MUC5AC: variants seen among roughly 807,000 people sequenced by gnomAD.
The protein encoded by MUC5AC is mucin-5AC.
Under a neutral mutation model 169.7 loss-of-function variants are expected in MUC5AC, and 158 were observed. That is an observed-to-expected ratio of 0.93 (90% CI 0.82 to 1.06). MUC5AC has a LOEUF of 1.06. Ranked by LOEUF, MUC5AC falls within the 50% of genes least tolerant of loss-of-function variation. MUC5AC has a pLI of 0.00. For missense variants in MUC5AC, 4,359 were observed against 3,089.9 expected (o/e 1.41, Z -9.74); for synonymous variants, 1,975 against 1,237.0 (o/e 1.60, Z -12.52).
rs769551732 is a variant in MUC5AC at position 1,168,892 on chromosome 11, C to T, written c.1736C>T (p.Ala579Val). The change falls in exon 15 of 49, where the codon GCC becomes GTC. Residue 579 changes from alanine (A) to valine (V), a missense_variant. Ala to Val is a moderately conservative substitution (Grantham distance 64). Coordinates refer to ENST00000621226, the MANE Select transcript of MUC5AC (RefSeq NM_001304359.2). Reference protein sequence around the residue: ...GLCGNFNSIQADDFRTLSGVV... With the variant: ...GLCGNFNSIQVDDFRTLSGVV... ...TGTGGGAACTTCAACAGCATCCAGGCCGATGACTTCCGGACCCTCAGTGGG... is the reference window on the plus strand; with the variant it reads ...TGTGGGAACTTCAACAGCATCCAGGTCGATGACTTCCGGACCCTCAGTGGG... 6.2e-7 allele frequency: 1 copy of T among 1,606,386 alleles called. No homozygotes were observed. The highest frequency in any genetic ancestry group is 8.5e-7 in the Non-Finnish European group (1 of 1,176,242).
chr11:1,158,299 T>C (rs1860021570), intron 1 of MUC5AC, among the ~76,000 whole-genome samples: 1 of 152,192 alleles, frequency 6.6e-6, no homozygotes, highest in Non-Finnish European at 1.5e-5. Flanking sequence ...GGCCATTCCC[T>C]GAGGCAGGGA....
At chr11:1,197,704 G>A (rs796068269) in intron 41 of MUC5AC, 65 bp downstream of exon 41, 11 of 642,694 alleles carry the variant, frequency 1.7e-5, no homozygotes, top group South Asian at 6.8e-5. Flanking sequence ...CACTCGGCCC[G>A]GACTTTGCTG....
rs1324330496 is a variant in MUC5AC at position 1,200,717 on chromosome 11, C to T, written c.*15C>T. The T allele has an allele frequency of 4.2e-6, 3 of 711,332 alleles. No homozygotes were observed. Among genetic ancestry groups the T allele is most frequent in the East Asian group, 2.5e-5 (1 of 40,458 alleles). 44.1% of individuals were successfully genotyped at this position (711,332 alleles called of 1,614,324 possible). A position where few individuals can be genotyped will look rare whatever the true frequency, so the allele number is the denominator to read the frequency against. ...CCATGCACTGACCAGCACTGCCGCC[C>T]TCCTGACCTCCAAGGAGAACCTCCC... On this transcript the variant is annotated 3_prime_UTR_variant, in exon 49 of 49. Coordinates refer to ENST00000621226, the MANE Select transcript of MUC5AC (RefSeq NM_001304359.2).
At chr11:1,195,751 CACA>C in intron 36 of MUC5AC, 122 bp from the exon 37 acceptor site, 1 of 560,648 alleles carries the variant, frequency 1.8e-6, no homozygotes, top group Non-Finnish European at 3.3e-6. Flanking sequence ...GGAGGGCGGC[CACA>C]CACCAGTGGC....
chr11:1,189,714 T>C lies in MUC5AC; in HGVS notation c.11569T>C (p.Ser3857Pro). The stretch of plus-strand genomic sequence containing the variant: ...CTCCACTCCACAGACCAGCATATCC[T>C]CTGCCCCTACAAGCAGCACAACCTC... ...TTSTPQTSIS[S>P]APTSSTTSAP... is the part of the protein sequence containing the mutation. The change falls in exon 31 of 49, where the codon TCT becomes CCT. Residue 3857 changes from serine (S) to proline (P), a missense_variant. Transcript: ENST00000621226. 1 of 640,518 alleles carries C rather than the reference T, an allele frequency of 1.6e-6. No individual in the cohort carries two copies. Among genetic ancestry groups the C allele is most frequent in the South Asian group, 1.8e-5 (1 of 56,672 alleles). The allele number at this position is 640,518 out of a possible 1,614,324, so 39.7% of individuals were successfully genotyped here. A position where few individuals can be genotyped will look rare whatever the true frequency, so the allele number is the denominator to read the frequency against.
At chr11:1,199,816 A>G (rs1188524663) in intron 47 of MUC5AC, 39 bp from the exon 48 acceptor site, 1 of 742,164 alleles carries the variant, frequency 1.3e-6, no homozygotes, top group Non-Finnish European at 2.5e-6. Flanking sequence ...GAGGTCTAGG[A>G]GCAGCTGGGC....
chr11:1,194,628 G>T lies in MUC5AC; in HGVS notation c.15148G>T (p.Val5050Leu), dbSNP rs747222329. ...MFSGLIFSVE[V>L]PFSKFANNTE... The stretch of plus-strand genomic sequence containing the variant: ...CTCCGGCCTCATCTTCTCCGTGGAG[G>T]TGCCCTTCAGCAAGTTTGCCAACAA... Residue 5050 changes from valine to leucine, a missense_variant, in exon 35 of 49, where the codon GTG becomes TTG. Val to Leu is a conservative substitution (Grantham distance 32). Coordinates refer to ENST00000621226, the MANE Select transcript of MUC5AC (RefSeq NM_001304359.2). 2 of 764,006 alleles carry T rather than the reference G, an allele frequency of 2.6e-6. No homozygotes were observed. Among genetic ancestry groups the T allele is most frequent in the East Asian group, 2.4e-5 (1 of 41,232 alleles). 47.3% of individuals were successfully genotyped at this position (764,006 alleles called of 1,614,324 possible). A position where few individuals can be genotyped will look rare whatever the true frequency, so the allele number is the denominator to read the frequency against.
Position 1,185,104 on chromosome 11 carries a change from C to A in MUC5AC, c.6959C>A (p.Pro2320His). The part of the protein sequence containing the change: ...PVPTTSTISA[P>H]TTSITSAPTT... ...CCTACCACCAGCACAATCTCTGCTC[C>A]TACAACTAGCATAACCTCTGCCCCT... Residue 2320 changes from proline (P) to histidine (H), a missense_variant, in exon 31 of 49, where the codon CCT becomes CAT. Transcript: ENST00000621226. 1.4e-6 allele frequency: 1 copy of A among 714,282 alleles called. No homozygotes were observed. Among genetic ancestry groups the A allele is most frequent in the Non-Finnish European group, 2.6e-6 (1 of 390,850 alleles). The allele number at this position is 714,282 out of a possible 1,614,324, so 44.2% of individuals were successfully genotyped here. A position where few individuals can be genotyped will look rare whatever the true frequency, so the allele number is the denominator to read the frequency against.
intron 6 of MUC5AC, 81 bp downstream of exon 6, chr11:1,163,126 C>A: frequency 7.6e-7 from 1 of 1,322,782 alleles, no homozygotes; most frequent in East Asian, 2.3e-5. Flanking sequence ...CCCTCTGACA[C>A]TCCGGGCACA....
At chr11:1,169,186 A>T (rs181480702) in intron 15 of MUC5AC, 160 bp downstream of exon 15, 14 of 983,106 alleles carry the variant, frequency 1.4e-5, no homozygotes, top group South Asian at 4.7e-5. Flanking sequence ...TGGGCGCCCA[A>T]CCCAGCTTAT....
At position 1,186,976 on chromosome 11, in the gene MUC5AC, C is replaced by T. The variant is rs1398906314; in HGVS notation, c.8831C>T (p.Pro2944Leu). 1,681 of 740,888 alleles carry T rather than the reference C, an allele frequency of 2.3e-3. 20 individuals carry two copies. In the African/African-American group the frequency reaches 0.025, roughly 11 times the overall value. The allele number at this position is 740,888 out of a possible 1,614,324, so 45.9% of individuals were successfully genotyped here. A position where few individuals can be genotyped will look rare whatever the true frequency, so the allele number is the denominator to read the frequency against. Residue 2944 changes from proline (P) to leucine (L), a missense_variant, in exon 31 of 49, where the codon CCT becomes CTT. Coordinates refer to ENST00000621226, the MANE Select transcript of MUC5AC (RefSeq NM_001304359.2). ...CCTACAACCAGCACAACTTCTGTTC[C>T]TGGAACTACTCCCAGCCCTGTTCCT... is the stretch of plus-strand genomic sequence containing the variant. ...SVPTTSTTSV[P>L]GTTPSPVPTT...
At chr11:1,167,159 G>A (rs1860358007) in intron 11 of MUC5AC, among the ~76,000 whole-genome samples, 1 of 135,744 alleles carries the variant, frequency 7.4e-6, no homozygotes, top group Middle Eastern at 4.7e-3. Flanking sequence ...TCCCTATGGT[G>A]AGACCCTGCA....
chr11:1,181,198 C>A lies in MUC5AC; in HGVS notation c.3820+16C>A. The stretch of plus-strand genomic sequence containing the variant: ...AAAGCTGAGGGTGAGCGGCCGGCAG[C>A]CCCTGGGGCTGGGGTCCGGGGGTCT... On this transcript the variant is annotated intron_variant, in intron 29 of 48. Transcript: ENST00000621226. The A allele has an allele frequency of 2.5e-6, 1 of 398,716 alleles. No homozygotes were observed. Among genetic ancestry groups the A allele is most frequent in the Non-Finnish European group, 4.4e-6 (1 of 226,168 alleles). The allele number at this position is 398,716 out of a possible 1,614,324, so 24.7% of individuals were successfully genotyped here. A position where few individuals can be genotyped will look rare whatever the true frequency, so the allele number is the denominator to read the frequency against.
chr11:1,178,499 C>A lies in MUC5AC; in HGVS notation c.3143C>A (p.Ala1048Asp). The change falls in exon 25 of 49, where the codon GCC becomes GAC. Residue 1048 changes from alanine (A) to aspartate (D), a missense_variant. Coordinates refer to ENST00000621226, the MANE Select transcript of MUC5AC (RefSeq NM_001304359.2). ...NFDDIAVNDF[A>D]TRSRSVVGDV... Reference sequence around the variant, plus strand: ...GACGACATCGCCGTTAATGACTTTGCCACGCGGAGCCGGTCTGTGGTGGGG... The same window carrying A: ...GACGACATCGCCGTTAATGACTTTGACACGCGGAGCCGGTCTGTGGTGGGG... 8.8e-7 allele frequency: 1 copy of A among 1,132,378 alleles called. No homozygotes were observed. 70.1% of individuals were successfully genotyped at this position (1,132,378 alleles called of 1,614,324 possible).
At chr11:1,199,537 G>A (rs1203604751) in intron 46 of MUC5AC, 47 bp downstream of exon 46, 1 of 701,240 alleles carries the variant, frequency 1.4e-6, no homozygotes, top group South Asian at 1.5e-5. Flanking sequence ...TTCACCCCTA[G>A]ATGGGTTTGG....
chr11:1,183,768 CA>C lies in MUC5AC; in HGVS notation c.5624del (p.Gln1875ArgfsTer96). 2.2e-6 allele frequency: 1 copy of C among 461,214 alleles called. No homozygotes were observed. Among genetic ancestry groups the C allele is most frequent in the Non-Finnish European group, 3.8e-6 (1 of 265,456 alleles). 28.6% of individuals were successfully genotyped at this position (461,214 alleles called of 1,614,324 possible). Reference protein sequence around the residue: ...PSTTSKTTETQASGSSAPSST... With the variant: ...PSTTSKTTETXASGSSAPSST... ...AACAACCTCCAAGACCACTGAAACC[CA>C]GGCCTCAGGCTCCTCAGCCCCCAGC... is the stretch of plus-strand genomic sequence containing the variant. On this transcript the variant is annotated frameshift_variant, in exon 31 of 49. Coordinates refer to ENST00000621226, the MANE Select transcript of MUC5AC (RefSeq NM_001304359.2). LOFTEE classifies it high-confidence loss of function.
At chr11:1,162,864 C>A in intron 5 of MUC5AC, 91 bp from the exon 6 acceptor site, 1 of 1,324,074 alleles carries the variant, frequency 7.6e-7, no homozygotes, top group Non-Finnish European at 1.1e-6. Flanking sequence ...CTTCCGTGGG[C>A]CTCGGCCCCT....
chr11:1,175,800 C>CCACTCATTCACACA (rs1554926826), intron 19 of MUC5AC, among the ~76,000 whole-genome samples: 1 of 34,134 alleles, frequency 2.9e-5, no homozygotes, highest in South Asian at 3.0e-3. Flanking sequence ...GCACTCACAC[C>CCACTCATTCACACA]CACCCACTCA....
Position 1,187,554 on chromosome 11 carries a change from A to C in MUC5AC, c.9409A>C (p.Thr3137Pro). Residue 3137 changes from threonine (T) to proline (P), a missense_variant, in exon 31 of 49, where the codon ACA (threonine) becomes CCA (proline). Transcript: ENST00000621226. ...TACCACCAGCACAACCTCTCCTCCT[A>C]CAACCAGCACAACTTCTGCCTCTAC... ...IPTTSTTSPPTTSTTSASTAS... is the reference protein window; with the variant it reads ...IPTTSTTSPPPTSTTSASTAS... 2 of 751,628 alleles carry C rather than the reference A, an allele frequency of 2.7e-6. No individual in the cohort carries two copies. Among genetic ancestry groups the C allele is most frequent in the Middle Eastern group, 2.3e-4 (1 of 4,420 alleles). 46.6% of individuals were successfully genotyped at this position (751,628 alleles called of 1,614,324 possible). A position where few individuals can be genotyped will look rare whatever the true frequency, so the allele number is the denominator to read the frequency against.
Sources: gnomAD v4.1 joint callset for allele counts (sites outside exome capture counted in the v4.1 genomes callset) on GRCh38, gnomAD v4.1.1 for gene constraint, MANE v1.5 for transcripts, NCBI Gene and HGNC (gene_info 2026-07-23, HGNC 2026-07-21) for gene names.